ARRB1: variants seen among roughly 807,000 people sequenced by gnomAD.
The protein encoded by ARRB1 is beta-arrestin-1.
ARRB1 carries 21 observed loss-of-function variants against 56.8 expected under a neutral mutation model. That is an observed-to-expected ratio of 0.37 (90% confidence interval 0.26 to 0.53). The LOEUF (loss-of-function observed/expected upper bound fraction) is 0.53. ARRB1 is among the 20% of genes least tolerant of loss of function. The pLI, the probability that ARRB1 is intolerant of heterozygous loss-of-function variation, is 0.88. For missense variants in ARRB1, 424 were observed against 553.7 expected (o/e 0.77, Z 2.35); for synonymous variants, 210 against 218.6 (o/e 0.96, Z 0.35).
rs1946225160 is a variant in ARRB1, at chr11:75,277,426, A to C, written c.641T>G (p.Ile214Ser). 6.2e-7 allele frequency: 1 copy of C among 1,613,910 alleles called. No homozygotes were observed. The highest frequency in any genetic ancestry group is 1.3e-5 in the African/African-American group (1 of 74,918). ...DKEIYYHGEP[I>S]SVNVHVTNNT... ...GTTGGTGACGTGGACGTTGACGCTG[A>C]TGGGTTCTCCATGGTAATAGATCTG... The change falls in exon 9 of 16, where the codon ATC (isoleucine) becomes AGC (serine). Residue 214 changes from isoleucine (I) to serine (S), a missense_variant. Transcript: ENST00000420843.
chr11:75,280,566 G>A (rs1417739698), intron 7 of ARRB1, among the ~76,000 whole-genome samples: 4 of 152,326 alleles, frequency 2.6e-5, no homozygotes, highest in South Asian at 2.1e-4. Context: ...CTTCTCCAGA[G>A]AACGCTTCCC....
intron 1 of ARRB1, among the ~76,000 whole-genome samples, chr11:75,310,457 C>T (rs472112): frequency 0.6 from 90,890 of 152,016 alleles, 28,056 homozygotes; most frequent in African/African-American, 0.76. Context: ...CTGCAGGAAG[C>T]GGAGGAGCCT....
chr11:75,261,667 C>A lies in ARRB1; in HGVS notation c.*4496G>T, dbSNP rs1266506499. The A allele has an allele frequency of 6.6e-6, 1 of 152,154 alleles. No individual in the cohort carries two copies. The allele number at this position is 152,154 out of a possible 1,614,324, so 9.4% of individuals were successfully genotyped here. Reference sequence around the variant, plus strand: ...TGGGGGGAGGATGTTTCCCCTTCAACAGGGCGTGTCTTTGAAGCCGCTGTG... The same window carrying A: ...TGGGGGGAGGATGTTTCCCCTTCAAAAGGGCGTGTCTTTGAAGCCGCTGTG... On this transcript the variant is annotated 3_prime_UTR_variant, in exon 16 of 16. Transcript: ENST00000420843.
chr11:75,271,837 C>T (rs1173044054), intron 12 of ARRB1, 113 bp from the exon 13 acceptor site: 37 of 1,184,658 alleles, frequency 3.1e-5, no homozygotes, highest in Non-Finnish European at 4.2e-5. Context: ...AGAAGACCCA[C>T]GGGACACACT....
At chr11:75,305,395 A>G (rs1450231596) in intron 1 of ARRB1, among the ~76,000 whole-genome samples, 1 of 152,106 alleles carries the variant, frequency 6.6e-6, no homozygotes, top group Admixed American at 6.5e-5. Flanking sequence ...TACTGTTGTT[A>G]CTATCATACC....
At chr11:75,291,774 G>A (rs1366339997) in intron 1 of ARRB1, among the ~76,000 whole-genome samples, 11 of 152,182 alleles carry the variant, frequency 7.2e-5, no homozygotes, top group South Asian at 2.1e-4. Flanking sequence ...AATAAAAGAT[G>A]GAATAAGAGA....
At chr11:75,336,020 T>TCTGGGG (rs1947597951) in intron 1 of ARRB1, among the ~76,000 whole-genome samples, 1 of 152,144 alleles carries the variant, frequency 6.6e-6, no homozygotes, top group Non-Finnish European at 1.5e-5. Context: ...TCACTCAGTG[T>TCTGGGG]CTGGGGCTGG....
intron 5 of ARRB1, among the ~76,000 whole-genome samples, 187 bp downstream of exon 5, chr11:75,283,100 C>A (rs898078188): frequency 2.0e-5 from 3 of 152,200 alleles, no homozygotes; most frequent in African/African-American, 7.2e-5. Flanking sequence ...AGGTGACAAA[C>A]CCCAGCAGGG....
At chr11:75,343,854 C>A (rs568630264) in intron 1 of ARRB1, among the ~76,000 whole-genome samples, 1 of 151,924 alleles carries the variant, frequency 6.6e-6, no homozygotes, top group East Asian at 1.9e-4. Flanking sequence ...GTCCCTCTGT[C>A]GCCCAGGCTG....
intron 14 of ARRB1, 65 bp downstream of exon 14, chr11:75,268,824 G>T: frequency 1.9e-6 from 3 of 1,553,912 alleles, no homozygotes; most frequent in Non-Finnish European, 2.6e-6. Flanking sequence ...GGGCGGGGTG[G>T]GTTACAGGGT....
chr11:75,319,817 T>C (rs992991058), intron 1 of ARRB1, among the ~76,000 whole-genome samples: 2 of 152,078 alleles, frequency 1.3e-5, no homozygotes, highest in Admixed American at 6.5e-5. Context: ...TTTGAAAAAT[T>C]AGAAGTACTC....
chr11:75,318,722 C>T (rs533106901), intron 1 of ARRB1, among the ~76,000 whole-genome samples: 1 of 152,030 alleles, frequency 6.6e-6, no homozygotes, highest in Admixed American at 6.5e-5. Context: ...CCTCCCGCCT[C>T]AGCCTCCCAA....
intron 14 of ARRB1, among the ~76,000 whole-genome samples, chr11:75,268,276 G>A (rs187980308): frequency 1.1e-3 from 173 of 152,132 alleles, no homozygotes; most frequent in Non-Finnish European, 1.8e-3. Flanking sequence ...AGGTTGAGGC[G>A]GGAAGATCAC....
chr11:75,292,579 A>G (rs1308686106), intron 1 of ARRB1, among the ~76,000 whole-genome samples: 1 of 152,244 alleles, frequency 6.6e-6, no homozygotes, highest in East Asian at 1.9e-4. Flanking sequence ...GGACGTGCAG[A>G]GAAGACCAGA....
intron 1 of ARRB1, among the ~76,000 whole-genome samples, chr11:75,345,665 C>T (rs146577212): frequency 4.6e-5 from 7 of 152,322 alleles, no homozygotes; most frequent in African/African-American, 1.4e-4. Flanking sequence ...CCCGCTCAGG[C>T]GCCCCATGCT....
intron 5 of ARRB1, 46 bp downstream of exon 5, chr11:75,283,241 G>C (rs748724251): frequency 6.4e-7 from 1 of 1,553,918 alleles, no homozygotes; most frequent in Non-Finnish European, 8.7e-7. Flanking sequence ...GGGCTTCCTA[G>C]AGGTGGCATT....
chr11:75,294,582 TAAA>T (rs1946682887), intron 1 of ARRB1, among the ~76,000 whole-genome samples: 1 of 100,356 alleles, frequency 1.0e-5, no homozygotes, highest in Non-Finnish European at 2.0e-5. Context: ...AATAAATAAA[TAAA>T]TAAATAAATA....
chr11:75,283,500 G>C lies in ARRB1; in HGVS notation c.158-17C>G. On this transcript the variant is annotated splice_polypyrimidine_tract_variant and intron_variant, in intron 4 of 15. Transcript: ENST00000420843. ...TCACATAGACTGTGGGGAGCGAGGA[G>C]CACTGAGGAGGGGCCTGGGAGAGCA... The C allele has an allele frequency of 6.3e-7, 1 of 1,587,946 alleles. No individual in the cohort carries two copies. Among genetic ancestry groups the C allele is most frequent in the Non-Finnish European group, 8.6e-7 (1 of 1,164,630 alleles).
intron 14 of ARRB1, among the ~76,000 whole-genome samples, chr11:75,268,406 G>A (rs1270617443): frequency 1.3e-5 from 2 of 150,684 alleles, no homozygotes; most frequent in Non-Finnish European, 3.0e-5. Context: ...TCGGGAGGCT[G>A]AGGCAGGAGA....
Sources: allele counts gnomAD v4.1 joint callset (sites outside exome capture counted in the v4.1 genomes callset), GRCh38; gene constraint gnomAD v4.1.1; transcripts MANE v1.5; gene names NCBI Gene and HGNC (gene_info 2026-07-23, HGNC 2026-07-21).